Variants in PRLR observed in about 807,000 individuals in gnomAD.
The protein encoded by PRLR is prolactin receptor.
Under a neutral mutation model 40.2 loss-of-function variants are expected in PRLR, and 13 were observed. That is an observed-to-expected ratio of 0.32 (90% confidence interval 0.21 to 0.51). PRLR has a LOEUF of 0.51. PRLR is among the 20% of genes least tolerant of loss of function. The probability of loss-of-function intolerance (pLI) is 0.97; values close to 1 mark genes in which losing one functional copy is unlikely to be tolerated. For synonymous variants in PRLR, 269 were observed against 278.7 expected, an observed-to-expected ratio of 0.97 and a Z score of 0.35; for missense variants, 656 against 747.3, an observed-to-expected ratio of 0.88 and a Z score of 1.42.
chr5:35,051,847 T>C (rs569580053), downstream of PRLR, among the ~76,000 whole-genome samples: 23 of 151,970 alleles, frequency 1.5e-4, no homozygotes, highest in African/African-American at 5.3e-4. Flanking sequence ...AATTAGGAAG[T>C]AAAGGAATGA....
chr5:35,086,432 A>G (rs542354352), intron 3 of PRLR, 92 bp from the exon 4 acceptor site: 3 of 1,498,434 alleles, frequency 2.0e-6, no homozygotes, highest in South Asian at 2.5e-5. Flanking sequence ...GATGGACCAA[A>G]GCCAGCGATG....
At chr5:35,150,048 C>A (rs1284379778) in intron 1 of PRLR, among the ~76,000 whole-genome samples, 1 of 152,154 alleles carries the variant, frequency 6.6e-6, no homozygotes, top group Non-Finnish European at 1.5e-5. Context: ...CGACGCCCAG[C>A]TAATTTTGTA....
intron 1 of PRLR, among the ~76,000 whole-genome samples, chr5:35,145,989 G>A (rs918855532): frequency 6.6e-6 from 1 of 152,126 alleles, no homozygotes. Context: ...CCCAATAGAC[G>A]ACATATAGTT....
At chr5:35,189,949 A>C (rs1235039696) in intron 1 of PRLR, among the ~76,000 whole-genome samples, 1 of 152,190 alleles carries the variant, frequency 6.6e-6, no homozygotes, top group African/African-American at 2.4e-5. Context: ...CCTGCTTCCC[A>C]GTCCAGGGTT....
At chr5:35,136,529 C>T (rs779294935) in intron 1 of PRLR, among the ~76,000 whole-genome samples, 5 of 152,146 alleles carry the variant, frequency 3.3e-5, no homozygotes, top group Non-Finnish European at 7.3e-5. Flanking sequence ...CAAAATTGCC[C>T]AGGAGAGAAT....
intron 2 of PRLR, among the ~76,000 whole-genome samples, chr5:35,105,583 C>A (rs1343764330): frequency 6.6e-6 from 1 of 152,086 alleles, no homozygotes; most frequent in Admixed American, 6.6e-5. Flanking sequence ...ATGACGCATG[C>A]ACAAGCTTCA....
chr5:35,190,797 T>A (rs975906787), intron 1 of PRLR, among the ~76,000 whole-genome samples: 2 of 152,218 alleles, frequency 1.3e-5, no homozygotes, highest in Non-Finnish European at 2.9e-5. Flanking sequence ...TCTTGACCAC[T>A]GTGTATCTAC....
Position 35,073,682 on chromosome 5 carries a change from C to A in PRLR, c.374-938G>T, listed in dbSNP as rs73091152. Among the ~76,000 whole-genome samples, 1,120 of 152,202 alleles carry A rather than the reference C, an allele frequency of 7.4e-3. 15 individuals carry two copies. The highest frequency in any genetic ancestry group is 0.026 in the African/African-American group (1,065 of 41,512). On this transcript the variant is annotated intron_variant, in intron 5 of 9. Transcript: ENST00000618457. ...ACTCTACCATGGTTGTAAGACATTG[C>A]GTTTGATGTCAGGTGCTGGAGAGCA...
downstream of PRLR, among the ~76,000 whole-genome samples, chr5:35,050,839 A>T (rs1253763539): frequency 6.6e-6 from 1 of 152,236 alleles, no homozygotes; most frequent in Non-Finnish European, 1.5e-5. Flanking sequence ...ATTGTTTTGG[A>T]AGGATTTCAG....
intron 1 of PRLR, among the ~76,000 whole-genome samples, chr5:35,186,994 T>G (rs1721037011): frequency 6.6e-6 from 1 of 152,120 alleles, no homozygotes; most frequent in Admixed American, 6.5e-5. Context: ...GCAGCTGGTG[T>G]GTACCAGGAA....
chr5:35,229,698 G>C (rs1344028272), intron 1 of PRLR, among the ~76,000 whole-genome samples: 2 of 152,004 alleles, frequency 1.3e-5, no homozygotes, highest in Non-Finnish European at 2.9e-5. Flanking sequence ...CTGACTTTTG[G>C]GAGGAGCAAC....
chr5:35,077,322 A>G (rs560655492), intron 5 of PRLR, among the ~76,000 whole-genome samples: 1 of 152,324 alleles, frequency 6.6e-6, no homozygotes, highest in Admixed American at 6.5e-5. Context: ...AGAGACACAC[A>G]TAGGCTCAAA....
rs759664318 is a variant in PRLR at position 35,089,573 on chromosome 5, A to G, written c.48T>C (p.Phe16=). Residue 16 remains phenylalanine, a synonymous_variant, in exon 3 of 10, where the codon TTT becomes TTC. Transcript: ENST00000618457. ...ASATVFTLLL[F]LNTCLLNGQL... ...TACCATTCAGAAGGCAGGTGTTGAG[A>G]AAAAGTAGCAGAGTGAAAACGGTTG... 1 of 1,613,474 alleles carries G rather than the reference A, an allele frequency of 6.2e-7. No homozygotes were observed. The highest frequency in any genetic ancestry group is 8.5e-7 in the Non-Finnish European group (1 of 1,179,384).
At chr5:35,123,204 G>A (rs1773347862) in intron 1 of PRLR, among the ~76,000 whole-genome samples, 1 of 152,154 alleles carries the variant, frequency 6.6e-6, no homozygotes, top group African/African-American at 2.4e-5. Context: ...GATTTTCAGA[G>A]TAGAGACTCC....
downstream of PRLR, among the ~76,000 whole-genome samples, chr5:35,052,866 A>G (rs1157724742): frequency 2.0e-5 from 3 of 152,206 alleles, no homozygotes; most frequent in Admixed American, 1.3e-4. Flanking sequence ...TCATTTTCCT[A>G]CAAGGCTGTC....
intron 5 of PRLR, 68 bp from the exon 6 acceptor site, chr5:35,072,812 T>C: frequency 6.5e-7 from 1 of 1,543,674 alleles, no homozygotes; most frequent in Non-Finnish European, 8.8e-7. Context: ...TACCATTTTC[T>C]ATTAGGAATT....
intron 1 of PRLR, among the ~76,000 whole-genome samples, chr5:35,209,085 A>G (rs928843575): frequency 5.3e-5 from 8 of 152,100 alleles, no homozygotes; most frequent in African/African-American, 1.9e-4. Flanking sequence ...TATGTATACA[A>G]TCTATTCCTG....
chr5:35,148,514 G>T (rs934819153), intron 1 of PRLR, among the ~76,000 whole-genome samples: 2 of 152,082 alleles, frequency 1.3e-5, no homozygotes, highest in Non-Finnish European at 1.5e-5. Context: ...AACAGATTTG[G>T]GTTGGAATCC....
At chr5:35,123,829 C>T (rs1773371286) in intron 1 of PRLR, among the ~76,000 whole-genome samples, 1 of 152,210 alleles carries the variant, frequency 6.6e-6, no homozygotes, top group South Asian at 2.1e-4. Context: ...CTCCCACCCC[C>T]ATCAGGGAAA....
Sources: gnomAD v4.1 joint callset for allele counts (sites outside exome capture counted in the v4.1 genomes callset) on GRCh38, gnomAD v4.1.1 for gene constraint, MANE v1.5 for transcripts, NCBI Gene and HGNC (gene_info 2026-07-23, HGNC 2026-07-21) for gene names.